Variants in SFXN5 observed in about 807,000 individuals in gnomAD.
SFXN5 encodes the protein sideroflexin-5.
Under a neutral mutation model 50.2 loss-of-function variants are expected in SFXN5, and 43 were observed. The ratio of observed to expected loss-of-function variants is 0.86; its 90% CI spans 0.67 to 1.11. The LOEUF is 1.11. Ranked by LOEUF, SFXN5 falls within the 50% of genes least tolerant of loss-of-function variation. SFXN5 has a pLI of 0.00. For synonymous variants in SFXN5, 203 were observed against 185.8 expected (o/e 1.09, Z -0.75); for missense variants, 463 against 454.1 (o/e 1.02, Z -0.18).
chr2:72,993,077 A>C (rs1387772058), intron 9 of SFXN5, among the ~76,000 whole-genome samples: 8 of 152,208 alleles, frequency 5.3e-5, no homozygotes, highest in Admixed American at 5.2e-4. Context: ...TACAGACTCT[A>C]TTGCATCAGT....
intron 4 of SFXN5, among the ~76,000 whole-genome samples, chr2:73,022,931 T>A (rs2105838638): frequency 6.6e-6 from 1 of 152,220 alleles, no homozygotes; most frequent in Non-Finnish European, 1.5e-5. Flanking sequence ...AGGTACATAA[T>A]AAGGATTTTG....
chr2:73,046,821 AC>A lies in SFXN5; in HGVS notation c.172-5891del, dbSNP rs376120895. Among the ~76,000 whole-genome samples the A allele has an allele frequency of 5.0e-3, 759 of 152,190 alleles. 2 individuals carry two copies. The highest frequency in any genetic ancestry group is 0.017 in the African/African-American group (726 of 41,524). ...ATTCCATCAAAGATTTTGAAGTTAC[AC>A]TATCCAGTGCTGTCTAAAATACATT... On this transcript the variant is annotated intron_variant, in intron 2 of 13. Coordinates refer to ENST00000272433, the MANE Select transcript of SFXN5 (RefSeq NM_144579.3).
intron 9 of SFXN5, among the ~76,000 whole-genome samples, chr2:72,991,740 C>T (rs1205682585): frequency 6.6e-6 from 1 of 152,216 alleles, no homozygotes; most frequent in Non-Finnish European, 1.5e-5. Flanking sequence ...GCTGGTGGCT[C>T]TGAATGCCAG....
chr2:72,974,780 C>A (rs1372878574), intron 10 of SFXN5, among the ~76,000 whole-genome samples: 1 of 152,034 alleles, frequency 6.6e-6, no homozygotes, highest in East Asian at 1.9e-4. Flanking sequence ...CTGATCCTTC[C>A]CATCCCACTC....
At chr2:73,028,567 C>T (rs1386378742) in intron 3 of SFXN5, among the ~76,000 whole-genome samples, 1 of 152,022 alleles carries the variant, frequency 6.6e-6, no homozygotes, top group Non-Finnish European at 1.5e-5. Context: ...TTTTCCAGGA[C>T]GAGAGAAGAA....
intron 4 of SFXN5, 102 bp from the exon 5 acceptor site, chr2:73,022,678 G>T: frequency 1.4e-6 from 1 of 723,650 alleles, no homozygotes; most frequent in Non-Finnish European, 2.5e-6. Context: ...CATTAGGGGA[G>T]GAAGAAGGGA....
At chr2:73,004,315 GCACACACACACA>G (rs59114781) in intron 6 of SFXN5, among the ~76,000 whole-genome samples, 3 of 115,554 alleles carry the variant, frequency 2.6e-5, no homozygotes, top group South Asian at 3.2e-4. Flanking sequence ...GAGTGCGCGC[GCACACACACACA>G]CACACACACA....
At chr2:73,059,356 C>T in intron 1 of SFXN5, 1 of 985,428 alleles carries the variant, frequency 1.0e-6, no homozygotes, top group Non-Finnish European at 1.2e-6. Context: ...GGGGAAGCTG[C>T]AATCGCTGGG....
intron 2 of SFXN5, among the ~76,000 whole-genome samples, chr2:73,053,743 TTTC>T (rs1444493949): frequency 1.3e-5 from 2 of 152,148 alleles, no homozygotes; most frequent in Non-Finnish European, 2.9e-5. Flanking sequence ...GCCTAGGATC[TTTC>T]TACTTCTGGA....
chr2:72,997,552 T>C (rs905047926), intron 9 of SFXN5: 2 of 151,380 alleles, frequency 1.3e-5, no homozygotes, highest in Non-Finnish European at 2.9e-5. Flanking sequence ...CTGAATGGTT[T>C]TGGGGTTTTT....
chr2:73,003,351 A>C (rs764983875), intron 6 of SFXN5, among the ~76,000 whole-genome samples: 2 of 152,142 alleles, frequency 1.3e-5, no homozygotes, highest in African/African-American at 2.4e-5. Flanking sequence ...CTCGAACTGT[A>C]CTTGGACCAC....
Position 72,960,317 on chromosome 2 carries a change from C to T in SFXN5, c.945+814G>A, listed in dbSNP as rs760736080. Among the ~76,000 whole-genome samples, 3 of 152,132 alleles carry T rather than the reference C, an allele frequency of 2.0e-5. No individual in the cohort carries two copies. The highest frequency in any genetic ancestry group is 7.2e-5 in the African/African-American group (3 of 41,416). On this transcript the variant is annotated intron_variant, in intron 13 of 13. Transcript: ENST00000272433. The surrounding 1 kb of genome is among the most constrained non-coding windows in gnomAD (Gnocchi z 6.1). Reference sequence around the variant, plus strand: ...AAGCACCTACATCTGCCTGGTTGTTCAAAACCAGAAAGCCAGTGCACATCC... The same window carrying T: ...AAGCACCTACATCTGCCTGGTTGTTTAAAACCAGAAAGCCAGTGCACATCC...
chr2:72,997,271 A>G, intron 9 of SFXN5: 1 of 152,228 alleles, frequency 6.6e-6, no homozygotes. Flanking sequence ...CCTCCTTTAG[A>G]AGAATGGTGA....
At chr2:72,956,402 C>T (rs895048384) in intron 13 of SFXN5, among the ~76,000 whole-genome samples, 12 of 152,166 alleles carry the variant, frequency 7.9e-5, no homozygotes, top group African/African-American at 2.4e-4. Context: ...CCTGTGAAAA[C>T]GCAGATTTCC....
At chr2:72,966,760 C>T (rs777319829) in intron 12 of SFXN5, among the ~76,000 whole-genome samples, 99 of 152,190 alleles carry the variant, frequency 6.5e-4, no homozygotes, top group African/African-American at 1.8e-3. Flanking sequence ...CTGGGTCGGC[C>T]GCAGCCCCTC....
In SFXN5 at chr2:72,976,105, A is replaced by G. The variant is rs113743523; in HGVS notation, c.626-4420T>C. Among the ~76,000 whole-genome samples the G allele has an allele frequency of 3.3e-5, 5 of 152,364 alleles. 1 individual carries two copies. Among genetic ancestry groups the G allele is most frequent in the African/African-American group, 1.2e-4 (5 of 41,584 alleles). On this transcript the variant is annotated intron_variant, in intron 10 of 13. Coordinates refer to ENST00000272433, the MANE Select transcript of SFXN5 (RefSeq NM_144579.3). ...AAAACCCTGTAATTGGCATATGCAC[A>G]TATATGTGTGCATAAATCCACAGGT...
In SFXN5 at chr2:73,058,546, G is replaced by A. The variant is rs750986848; in HGVS notation, c.153C>T (p.Arg51=). Residue 51 remains arginine, a synonymous_variant, in exon 2 of 14, where the codon CGC becomes CGT. Transcript: ENST00000272433. ...FRHFLDIIDP[R]TLFVTERRLR... Reference sequence around the variant, plus strand: ...GACTTACCTCAGTGACAAAGAGTGTGCGAGGGTCGATGATATCCAAGAAGT... The same window carrying A: ...GACTTACCTCAGTGACAAAGAGTGTACGAGGGTCGATGATATCCAAGAAGT... 1 of 1,614,140 alleles carries A rather than the reference G, an allele frequency of 6.2e-7. No homozygotes were observed. The highest frequency in any genetic ancestry group is 8.5e-7 in the Non-Finnish European group (1 of 1,180,004).
At chr2:72,987,701 G>A (rs976461042) in intron 10 of SFXN5, among the ~76,000 whole-genome samples, 1 of 152,110 alleles carries the variant, frequency 6.6e-6, no homozygotes, top group African/African-American at 2.4e-5. Flanking sequence ...GTTGCAGTGA[G>A]CCGAGATTGC....
intron 3 of SFXN5, among the ~76,000 whole-genome samples, chr2:73,024,479 C>T (rs1677300937): frequency 6.6e-6 from 1 of 152,224 alleles, no homozygotes; most frequent in East Asian, 1.9e-4. Flanking sequence ...AAAGGGAGAC[C>T]CCATCTCTAC....
Sources: gnomAD v4.1 joint callset for allele counts (sites outside exome capture counted in the v4.1 genomes callset) on GRCh38, gnomAD v4.1.1 for gene constraint, Gnocchi (gnomAD v3.1) non-coding constraint, MANE v1.5 for transcripts, NCBI Gene and HGNC (gene_info 2026-07-23, HGNC 2026-07-21) for gene names.